RYR2: variants seen among roughly 807,000 people sequenced by gnomAD.
RYR2 encodes cardiac muscle ryanodine receptor-calcium release channel.
In RYR2, 227 loss-of-function variants were observed where a neutral mutation model predicts 601.1. The ratio of observed to expected loss-of-function variants is 0.38; its 90% CI spans 0.34 to 0.42. RYR2 has a LOEUF of 0.42. Ranked by LOEUF, RYR2 falls within the 10% of genes least tolerant of loss-of-function variation. The pLI is 1.00. For synonymous variants in RYR2, 2,223 were observed against 2,175.1 expected, an observed-to-expected ratio of 1.02 and a Z score of -0.61; for missense variants, 4,646 against 6,156.5, an observed-to-expected ratio of 0.75 and a Z score of 8.21.
rs28778005 is a variant in RYR2, at chr1:237,598,737, T to C, written c.4596+3080T>C. 3.0e-3 allele frequency among the ~76,000 whole-genome samples: 450 copies of C among 151,994 alleles called. 2 individuals carry two copies. The highest frequency in any genetic ancestry group is 0.01 in the African/African-American group (429 of 41,472). ...AAAATAAACCACCTAATATTGCACC[T>C]CCAAAAACCACAAATACAAGAACAA... On this transcript the variant is annotated intron_variant, in intron 34 of 104. Transcript: ENST00000366574.
rs1558841642 is a variant in RYR2, at chr1:237,452,000, TTG to T, written c.1293-2381_1293-2380del. Among the ~76,000 whole-genome samples the T allele has an allele frequency of 2.8e-5, 4 of 144,928 alleles. No homozygotes were observed. In the East Asian group the frequency reaches 8.3e-4, roughly 30 times the overall value. ...TGTGTATGTGTGTTTGTGTGTGTGT[TTG>T]TGTGTGTGTTTGTGTTGTCTTCAGG... On this transcript the variant is annotated intron_variant, in intron 14 of 104. Coordinates refer to ENST00000366574, the MANE Select transcript of RYR2 (RefSeq NM_001035.3).
At chr1:237,724,997 C>T (rs1404691510) in intron 74 of RYR2, among the ~76,000 whole-genome samples, 5 of 152,046 alleles carry the variant, frequency 3.3e-5, no homozygotes, top group Non-Finnish European at 7.4e-5. Flanking sequence ...TTATGGAGTT[C>T]CCTGTCCTAG....
intron 1 of RYR2, among the ~76,000 whole-genome samples, chr1:237,173,901 G>A (rs528102416): frequency 3.2e-4 from 49 of 151,930 alleles, no homozygotes; most frequent in Non-Finnish European, 6.8e-4. Context: ...CTAAAAATAC[G>A]AAAAAATTAG....
intron 10 of RYR2, among the ~76,000 whole-genome samples, chr1:237,413,332 G>T (rs1453032926): frequency 6.6e-6 from 1 of 152,090 alleles, no homozygotes; most frequent in African/African-American, 2.4e-5. Flanking sequence ...CAGGTAGGAA[G>T]GAGGATTCAA....
In RYR2 at chr1:237,193,049, G is replaced by A. The variant is rs572301237; in HGVS notation, c.49-77448G>A. On this transcript the variant is annotated intron_variant, in intron 1 of 104. Coordinates refer to ENST00000366574, the MANE Select transcript of RYR2 (RefSeq NM_001035.3). ...AAAAATATCTTGAATGCGGCCAGGC[G>A]TGGTGGCTCATGCCTGTAATCCCAG... Among the ~76,000 whole-genome samples the A allele has an allele frequency of 9.4e-4, 143 of 151,336 alleles. 1 individual carries two copies. The highest frequency in any genetic ancestry group is 3.3e-3 in the African/African-American group (134 of 41,218).
intron 79 of RYR2, among the ~76,000 whole-genome samples, chr1:237,741,692 C>T (rs1691622164): frequency 1.3e-5 from 2 of 152,160 alleles, no homozygotes; most frequent in Admixed American, 1.3e-4. Flanking sequence ...GCCTCCGCCT[C>T]CTGGGTTCAA....
intron 76 of RYR2, among the ~76,000 whole-genome samples, chr1:237,729,040 T>TC (rs1690455111): frequency 6.6e-6 from 1 of 152,120 alleles, no homozygotes; most frequent in South Asian, 2.1e-4. Context: ...TTCATCAGTT[T>TC]CCCTTTGAAC....
At position 237,335,297 on chromosome 1, in the gene RYR2, A is replaced by G. The variant is rs1019882469; in HGVS notation, c.273+4315A>G. ...TCCTTTTATCTTAATTCACAAAATT[A>G]TGATAGACACTTTTCTCTCACACAA... On this transcript the variant is annotated intron_variant, in intron 3 of 104. Coordinates refer to ENST00000366574, the MANE Select transcript of RYR2 (RefSeq NM_001035.3). 2.6e-5 allele frequency among the ~76,000 whole-genome samples: 4 copies of G among 152,358 alleles called. No individual in the cohort carries two copies. In the East Asian group the frequency reaches 5.8e-4, roughly 22 times the overall value.
chr1:237,254,268 T>C (rs1687740897), intron 1 of RYR2, among the ~76,000 whole-genome samples: 1 of 152,204 alleles, frequency 6.6e-6, no homozygotes, highest in Admixed American at 6.5e-5. Flanking sequence ...AAAATACACT[T>C]GCTGAAGGTC....
At position 237,819,724 on chromosome 1, in the gene RYR2, A is replaced by G. The variant is rs1290370341; in HGVS notation, c.14590+532A>G. On this transcript the variant is annotated intron_variant, in intron 101 of 104. Coordinates refer to ENST00000366574, the MANE Select transcript of RYR2 (RefSeq NM_001035.3). This position sits in a 1 kb window ranked among gnomAD's most constrained non-coding sequence, Gnocchi z 4.0. Reference sequence around the variant, plus strand: ...TCCCAGCTACCTGGGAGGCTGAGGCAGGAGAATTGCTTGAACCCGGGAGGT... The same window carrying G: ...TCCCAGCTACCTGGGAGGCTGAGGCGGGAGAATTGCTTGAACCCGGGAGGT... 6.6e-6 allele frequency among the ~76,000 whole-genome samples: 1 copy of G among 152,142 alleles called. No homozygotes were observed. Among genetic ancestry groups the G allele is most frequent in the Non-Finnish European group, 1.5e-5 (1 of 68,012 alleles).
chr1:237,447,976 A>G (rs1412765050), intron 14 of RYR2, among the ~76,000 whole-genome samples: 2 of 149,796 alleles, frequency 1.3e-5, no homozygotes, highest in Non-Finnish European at 3.0e-5. Context: ...CGCCCAGACT[A>G]GAGTGCAATG....
intron 1 of RYR2, among the ~76,000 whole-genome samples, chr1:237,140,411 T>C (rs1220850744): frequency 6.6e-6 from 1 of 152,214 alleles, no homozygotes; most frequent in Non-Finnish European, 1.5e-5. Flanking sequence ...CATCACAAAT[T>C]AAGTTGTGAC....
In RYR2 at chr1:237,602,067, G is replaced by A; in HGVS notation, c.4639G>A (p.Ala1547Thr). The change falls in exon 35 of 105, where the codon GCT becomes ACT. Residue 1547 changes from alanine to threonine, a missense_variant. By Grantham distance (58) the Ala-to-Thr change is moderately conservative. Around this residue, in one of 17 missense-constraint regions of RYR2, gnomAD observed 1,807 missense variants for 2,088.1 expected, o/e 0.87. Coordinates refer to ENST00000366574, the MANE Select transcript of RYR2 (RefSeq NM_001035.3). ...TKLFPAVFAQ[A>T]TSPNVFQFEL... ...ATTATTTCCTGCGGTTTTTGCACAA[G>A]CTACAAGTCCCAATGTTTTCCAGTT... 6.2e-7 allele frequency: 1 copy of A among 1,613,070 alleles called. No individual in the cohort carries two copies. Among genetic ancestry groups the A allele is most frequent in the Non-Finnish European group, 8.5e-7 (1 of 1,179,412 alleles).
chr1:237,600,327 G>T (rs1676363019), intron 34 of RYR2, among the ~76,000 whole-genome samples: 1 of 151,882 alleles, frequency 6.6e-6, no homozygotes, highest in Non-Finnish European at 1.5e-5. Flanking sequence ...TTTCAACAAA[G>T]GTGCCAAGAA....
At chr1:237,112,453 G>T (rs898554225) in intron 1 of RYR2, among the ~76,000 whole-genome samples, 1 of 151,806 alleles carries the variant, frequency 6.6e-6, no homozygotes, top group Admixed American at 6.6e-5. Context: ...TAGTTAGCTG[G>T]CCTCATGATT....
At chr1:237,427,003 ATCT>A (rs779065226) in intron 12 of RYR2, among the ~76,000 whole-genome samples, 2 of 152,188 alleles carry the variant, frequency 1.3e-5, no homozygotes, top group Non-Finnish European at 2.9e-5. Flanking sequence ...AACATCAAAG[ATCT>A]TCTTAAGATT....
intron 1 of RYR2, among the ~76,000 whole-genome samples, chr1:237,176,664 AT>A: frequency 6.6e-6 from 1 of 152,098 alleles, no homozygotes; most frequent in East Asian, 1.9e-4. Flanking sequence ...TGATTTTGTT[AT>A]CAAACTGTCA....
At chr1:237,575,548 G>A (rs2779416) in intron 29 of RYR2, among the ~76,000 whole-genome samples, 97,395 of 151,508 alleles carry the variant, frequency 0.64, 32,526 homozygotes, top group Admixed American at 0.73. Flanking sequence ...CCCCACCCCC[G>A]GCGTACCTAT....
intron 79 of RYR2, among the ~76,000 whole-genome samples, chr1:237,740,807 G>A (rs528306624): frequency 6.6e-6 from 1 of 152,054 alleles, no homozygotes; most frequent in Non-Finnish European, 1.5e-5. Flanking sequence ...CTAATTATTG[G>A]GAATAATGGG....
Sources: gnomAD v4.1 joint callset for allele counts (sites outside exome capture counted in the v4.1 genomes callset) on GRCh38, gnomAD v4.1.1 for gene constraint, gnomAD v4.1.1 regional missense constraint, Gnocchi (gnomAD v3.1) non-coding constraint, MANE v1.5 for transcripts, NCBI Gene and HGNC (gene_info 2026-07-23, HGNC 2026-07-21) for gene names.